Variants in SLC8B1 observed in about 807,000 individuals in gnomAD.
The protein encoded by SLC8B1 is solute carrier family 8 member B1.
In SLC8B1, 52 loss-of-function variants were observed where a neutral mutation model predicts 63.4. The ratio of observed to expected loss-of-function variants is 0.82; its 90% CI spans 0.66 to 1.03. The LOEUF (loss-of-function observed/expected upper bound fraction) is 1.03, where lower values mean the gene tolerates loss of function less well. Ranked by LOEUF, SLC8B1 falls within the 50% of genes least tolerant of loss-of-function variation. The pLI is 0.00. For synonymous variants in SLC8B1, 336 were observed against 323.9 expected (o/e 1.04, Z -0.40); for missense variants, 657 against 741.7 (o/e 0.89, Z 1.33).
Position 113,332,781 on chromosome 12 carries a change from C to T in SLC8B1, c.98G>A (p.Gly33Glu), listed in dbSNP as rs369040831. ...TVSGTRGSST[G>E]AHISPQFPAS... ...TGGAAACTGGGGGCTAATGTGAGCT[C>T]CTGTAGACGAGCCCCTAGTCCCAGA... Residue 33 changes from glycine (G) to glutamate (E), a missense_variant, in exon 2 of 16, where the codon GGA becomes GAA. By Grantham distance (98) the Gly-to-Glu change is moderately conservative. Transcript: ENST00000680972. The T allele has an allele frequency of 1.2e-6, 2 of 1,614,180 alleles. No homozygotes were observed. Among genetic ancestry groups the T allele is most frequent in the Middle Eastern group, 1.6e-4 (1 of 6,062 alleles).
chr12:113,307,885 C>T (rs1287207210), intron 12 of SLC8B1, 41 bp from the exon 13 acceptor site: 1 of 1,598,616 alleles, frequency 6.3e-7, no homozygotes, highest in Non-Finnish European at 8.5e-7. Flanking sequence ...AGGCCAGCCC[C>T]AACAGGAACA....
intron 2 of SLC8B1, among the ~76,000 whole-genome samples, chr12:113,329,945 A>G (rs897698815): frequency 3.9e-5 from 6 of 151,952 alleles, no homozygotes; most frequent in Non-Finnish European, 5.9e-5. Flanking sequence ...CCACTTTGCA[A>G]AATCTGTCAT....
At chr12:113,309,422 A>G (rs1956725113) in intron 12 of SLC8B1, among the ~76,000 whole-genome samples, 2 of 152,284 alleles carry the variant, frequency 1.3e-5, no homozygotes, top group East Asian at 3.9e-4. Context: ...GGAAAAAGAC[A>G]CCCACAAAGG....
At chr12:113,333,040 T>C in intron 1 of SLC8B1, 80 bp from the exon 2 acceptor site, 1 of 837,470 alleles carries the variant, frequency 1.2e-6, no homozygotes, top group Non-Finnish European at 1.8e-6. Flanking sequence ...AGACTCTAGT[T>C]AAGGAACTGC....
At position 113,314,065 on chromosome 12, in the gene SLC8B1, GAAA is replaced by G. The variant is rs555606143; in HGVS notation, c.1135+1267_1135+1269del. Among the ~76,000 whole-genome samples, 125 of 152,322 alleles carry G rather than the reference GAAA, an allele frequency of 8.2e-4. 6 individuals are homozygous for G. The South Asian group carries it at 0.026, about 32-fold the overall frequency. On this transcript the variant is annotated intron_variant, in intron 11 of 15. Coordinates refer to ENST00000680972, the MANE Select transcript of SLC8B1 (RefSeq NM_001358345.2). Reference sequence around the variant, plus strand: ...TAAATAAAGATGCCACAACGCTTGTGAAAGCAAGTCCCTGGATTTGCCCTGGCC... The same window carrying G: ...TAAATAAAGATGCCACAACGCTTGTGGCAAGTCCCTGGATTTGCCCTGGCC...
intron 15 of SLC8B1, among the ~76,000 whole-genome samples, chr12:113,303,050 GTAGA>G (rs201858365): frequency 1.4e-5 from 2 of 140,606 alleles, no homozygotes; most frequent in South Asian, 2.3e-4. Context: ...CACAAAGGTG[GTAGA>G]CACACACACA....
intron 1 of SLC8B1, 134 bp from the exon 2 acceptor site, chr12:113,333,094 T>C: frequency 5.0e-6 from 3 of 594,712 alleles, no homozygotes; most frequent in Non-Finnish European, 8.7e-6. Flanking sequence ...GGAGAAACCA[T>C]GTTCTGCACA....
Position 113,299,864 on chromosome 12 carries a change from A to G in SLC8B1, c.1668T>C (p.Tyr556=). 3.7e-6 allele frequency: 6 copies of G among 1,614,252 alleles called. No homozygotes were observed. The highest frequency in any genetic ancestry group is 5.1e-6 in the Non-Finnish European group (6 of 1,180,036). Residue 556 remains tyrosine, a synonymous_variant, in exon 16 of 16, where the codon TAT becomes TAC. Transcript: ENST00000680972. ...GGTAGAAGAGGAGCAGGCAGAAGCC[A>G]TAGACTCTGCTGAGCTGGAAGCACT... The part of the protein sequence containing the change: ...PLQCFQLSRV[Y]GFCLLLFYLN...
rs184399820 is a variant in SLC8B1, at chr12:113,305,020, G to C, written c.1493-635C>G. 6.6e-6 allele frequency among the ~76,000 whole-genome samples: 1 copy of C among 152,378 alleles called. No individual in the cohort carries two copies. Among genetic ancestry groups the C allele is most frequent in the Admixed American group, 6.5e-5 (1 of 15,306 alleles). ...CTTTAAGAAGATGGGTGCTGAGTAA[G>C]TGTTGCAGTCAGTCTCTAAGGATCG... On this transcript the variant is annotated intron_variant, in intron 14 of 15. Transcript: ENST00000680972. This position sits in a 1 kb window ranked among gnomAD's most constrained non-coding sequence, Gnocchi z 4.3.
At chr12:113,307,300 G>A (rs918741578) in intron 13 of SLC8B1, among the ~76,000 whole-genome samples, 1 of 152,088 alleles carries the variant, frequency 6.6e-6, no homozygotes, top group Non-Finnish European at 1.5e-5. Context: ...CTGGAGCAGT[G>A]CATAACCTGG....
At chr12:113,309,648 T>TG (rs1566228241) in intron 12 of SLC8B1, among the ~76,000 whole-genome samples, 1 of 152,078 alleles carries the variant, frequency 6.6e-6, no homozygotes, top group African/African-American at 2.4e-5. Flanking sequence ...CCCATCTACT[T>TG]GGGGGGCTGA....
In SLC8B1 at chr12:113,320,472, C is replaced by G; in HGVS notation, c.553G>C (p.Val185Leu). ...TGTAGGATGGTAATGCCTCCGGCCA[C>G]CACTGTGGTAACCAGCACGCCAGCG... The part of the protein sequence containing the change: ...FGAGVLVTTV[V>L]AGGITILHPF... Residue 185 changes from valine to leucine, a missense_variant, in exon 7 of 16, where the codon GTG (valine) becomes CTG (leucine). By Grantham distance (32) the Val-to-Leu change is conservative. Coordinates refer to ENST00000680972, the MANE Select transcript of SLC8B1 (RefSeq NM_001358345.2). The surrounding 1 kb of genome is among the most constrained non-coding windows in gnomAD (Gnocchi z 5.3). 6.2e-7 allele frequency: 1 copy of G among 1,614,140 alleles called. No individual in the cohort carries two copies. Among genetic ancestry groups the G allele is most frequent in the Non-Finnish European group, 8.5e-7 (1 of 1,180,024 alleles).
chr12:113,299,570 T>G lies in SLC8B1; in HGVS notation c.*207A>C. ...CCAGAGCAAAGCCAGGTTTCCAAGGTCCCCACGGCAAGGCTGTTGGGTGCT... is the reference window on the plus strand; with the variant it reads ...CCAGAGCAAAGCCAGGTTTCCAAGGGCCCCACGGCAAGGCTGTTGGGTGCT... On this transcript the variant is annotated 3_prime_UTR_variant, in exon 16 of 16. Transcript: ENST00000680972. The G allele has an allele frequency of 1.7e-6, 1 of 580,904 alleles. No homozygotes were observed. The highest frequency in any genetic ancestry group is 3.1e-6 in the Non-Finnish European group (1 of 325,712). 36.0% of individuals were successfully genotyped at this position (580,904 alleles called of 1,614,324 possible). A position where few individuals can be genotyped will look rare whatever the true frequency, so the allele number is the denominator to read the frequency against.
At chr12:113,300,997 G>A (rs1402925031) in intron 15 of SLC8B1, among the ~76,000 whole-genome samples, 1 of 152,024 alleles carries the variant, frequency 6.6e-6, no homozygotes, top group Non-Finnish European at 1.5e-5. Context: ...TTAGCCAGGT[G>A]TGGTAGCACA....
At chr12:113,327,678 T>C (rs1437704552) in intron 2 of SLC8B1, among the ~76,000 whole-genome samples, 1 of 138,194 alleles carries the variant, frequency 7.2e-6, no homozygotes, top group Middle Eastern at 4.4e-3. Flanking sequence ...TGAGACTCTG[T>C]CTCAAAAAAA....
rs759667065 is a variant in SLC8B1, at chr12:113,310,329, C to T, written c.1162G>A (p.Val388Ile). The T allele has an allele frequency of 8.1e-6, 13 of 1,613,834 alleles. No individual in the cohort carries two copies. Among genetic ancestry groups the T allele is most frequent in the African/African-American group, 4.0e-5 (3 of 74,900 alleles). Residue 388 changes from valine to isoleucine, a missense_variant, in exon 12 of 16, where the codon GTT becomes ATT. Coordinates refer to ENST00000680972, the MANE Select transcript of SLC8B1 (RefSeq NM_001358345.2). ...TYGVYEIGGL[V>I]PVWVVVVIAG... ...ATCACCACCACGACCCAGACGGGAA[C>T]GAGGCCGCCTATCTCATAGACACCA...
intron 15 of SLC8B1, among the ~76,000 whole-genome samples, chr12:113,300,305 CTGGCCAA>C (rs1235804996): frequency 6.6e-6 from 1 of 152,082 alleles, no homozygotes; most frequent in Non-Finnish European, 1.5e-5. Context: ...TTCGAGACCA[CTGGCCAA>C]TACAGTGAAA....
chr12:113,312,698 G>A (rs1956780862), intron 11 of SLC8B1, among the ~76,000 whole-genome samples: 1 of 152,168 alleles, frequency 6.6e-6, no homozygotes, highest in Non-Finnish European at 1.5e-5. Flanking sequence ...ACTAGGTGGT[G>A]TTAACGCCAT....
rs1956909912 is a variant in SLC8B1, at chr12:113,320,555, G to GC, written c.526+25dup. ...TGCACCCTCTCCTGCTGCTTTCCCCGCCCCCCTCACTGGGGCTGCTCTCAC... is the reference window on the plus strand; with the variant it reads ...TGCACCCTCTCCTGCTGCTTTCCCCGCCCCCCCTCACTGGGGCTGCTCTCAC... On this transcript the variant is annotated intron_variant, in intron 6 of 15. Transcript: ENST00000680972. This position sits in a 1 kb window ranked among gnomAD's most constrained non-coding sequence, Gnocchi z 5.3. The GC allele has an allele frequency of 1.2e-6, 2 of 1,613,748 alleles. No homozygotes were observed. The highest frequency in any genetic ancestry group is 1.7e-6 in the Non-Finnish European group (2 of 1,179,926).
Sources: gnomAD v4.1 joint callset for allele counts (sites outside exome capture counted in the v4.1 genomes callset) on GRCh38, gnomAD v4.1.1 for gene constraint, Gnocchi (gnomAD v3.1) non-coding constraint, MANE v1.5 for transcripts, NCBI Gene and HGNC (gene_info 2026-07-23, HGNC 2026-07-21) for gene names.